Variants in CPA1 observed in about 807,000 individuals in gnomAD.
CPA1 encodes carboxypeptidase A1 (pancreatic).
CPA1 carries 42 observed loss-of-function variants against 48.7 expected under a neutral mutation model. The ratio of observed to expected loss-of-function variants is 0.86; its 90% CI spans 0.67 to 1.11. CPA1 has a LOEUF of 1.11. Ranked by LOEUF, CPA1 falls within the 50% of genes most tolerant of loss-of-function variation. The probability of loss-of-function intolerance (pLI) is 0.00; values close to 1 mark genes in which losing one functional copy is unlikely to be tolerated. For missense variants in CPA1, 477 were observed against 544.7 expected (o/e 0.88, Z 1.24); for synonymous variants, 203 against 217.9 (o/e 0.93, Z 0.60).
rs1206116544 is a variant in CPA1, at chr7:130,387,264, C to G, written c.1073-560C>G. ...TTTGGAAACTGATTCAACTCTGAGT[C>G]AAGGTTTTGCTTCATTCAACATGGT... On this transcript the variant is annotated intron_variant, in intron 9 of 9. Transcript: ENST00000011292. The surrounding 1 kb of genome is among the most constrained non-coding windows in gnomAD (Gnocchi z 4.6). Among the ~76,000 whole-genome samples, 2 of 152,206 alleles carry G rather than the reference C, an allele frequency of 1.3e-5. No individual in the cohort carries two copies. Among genetic ancestry groups the G allele is most frequent in the Non-Finnish European group, 2.9e-5 (2 of 68,038 alleles).
Position 130,387,797 on chromosome 7 carries a change from TTCTC to T in CPA1, c.1073-24_1073-21del, listed in dbSNP as rs1796498813. On this transcript the variant is annotated intron_variant, in intron 9 of 9. Transcript: ENST00000011292. The surrounding 1 kb of genome is among the most constrained non-coding windows in gnomAD (Gnocchi z 4.6). Reference sequence around the variant, plus strand: ...AAATATTCCCAAAGTGATTGACCCTTTCTCTCCTATTTTACTCCTGCCCCAGATC... The same window carrying T: ...AAATATTCCCAAAGTGATTGACCCTTTCCTATTTTACTCCTGCCCCAGATC... 2 of 1,603,508 alleles carry T rather than the reference TTCTC, an allele frequency of 1.2e-6. No individual in the cohort carries two copies. The highest frequency in any genetic ancestry group is 3.4e-5 in the Admixed American group (2 of 59,214).
Position 130,384,589 on chromosome 7 carries a change from C to T in CPA1, c.750C>T (p.Gly250=), listed in dbSNP as rs1188484065. Residue 250 remains glycine, a synonymous_variant, in exon 7 of 10, where the codon GGC becomes GGT. Transcript: ENST00000011292. ...ACACAGCAGGCTCCCTCTGTATTGG[C>T]GTGGACCCCAACAGGAACTGGGACG... ...RSHTAGSLCI[G]VDPNRNWDAG... is the part of the protein sequence containing the mutation. 9 of 1,614,070 alleles carry T rather than the reference C, an allele frequency of 5.6e-6. No individual in the cohort carries two copies. In the African/African-American group the frequency reaches 8.0e-5, roughly 14 times the overall value.
chr7:130,383,600 G>C (rs1796434392), intron 5 of CPA1, 84 bp from the exon 6 acceptor site: 1 of 1,417,446 alleles, frequency 7.1e-7, no homozygotes, highest in African/African-American at 1.4e-5. Flanking sequence ...GACCACAGAG[G>C]ACATGGGGAA....
rs1380914980 is a variant in CPA1 at position 130,387,892 on chromosome 7, C to T, written c.1141C>T (p.Leu381Phe). The T allele has an allele frequency of 4.3e-6, 7 of 1,614,084 alleles. No homozygotes were observed. Among genetic ancestry groups the T allele is most frequent in the Admixed American group, 1.7e-5 (1 of 60,006 alleles). ...QGIKYSFTFE[L>F]RDTGRYGFLL... is the part of the protein sequence containing the mutation. ...CATCAAGTACTCCTTCACCTTCGAG[C>T]TCCGGGACACTGGGCGCTATGGCTT... Residue 381 changes from leucine (L) to phenylalanine (F), a missense_variant, in exon 10 of 10, where the codon CTC becomes TTC. By Grantham distance (22) the Leu-to-Phe change is conservative. Transcript: ENST00000011292. This position sits in a 1 kb window ranked among gnomAD's most constrained non-coding sequence, Gnocchi z 4.6.
Position 130,387,748 on chromosome 7 carries a change from T to G in CPA1, c.1073-76T>G. The G allele has an allele frequency of 1.1e-5, 15 of 1,332,968 alleles. No individual in the cohort carries two copies. Among genetic ancestry groups the G allele is most frequent in the Admixed American group, 9.3e-5 (5 of 53,936 alleles). 82.6% of individuals were successfully genotyped at this position (1,332,968 alleles called of 1,614,324 possible). A position where few individuals can be genotyped will look rare whatever the true frequency, so the allele number is the denominator to read the frequency against. On this transcript the variant is annotated intron_variant, in intron 9 of 9. Coordinates refer to ENST00000011292, the MANE Select transcript of CPA1 (RefSeq NM_001868.4). The surrounding 1 kb of genome is among the most constrained non-coding windows in gnomAD (Gnocchi z 4.6). ...ACAAGGCACAGAGCTTTGGACAGGG[T>G]TGGATCGTTAACCCAACCCGTGTAA...
At chr7:130,380,911 G>C (rs1796394590) in intron 1 of CPA1, 187 bp from the exon 2 acceptor site, 1 of 617,158 alleles carries the variant, frequency 1.6e-6, no homozygotes, top group East Asian at 2.8e-5. Context: ...CTAAAGATGG[G>C]GAGAGAAGAG....
In CPA1 at chr7:130,381,841, C is replaced by G. The variant is rs782397100; in HGVS notation, c.359C>G (p.Ala120Gly). ...CGCTCCACCGACACTTTTAACTACG[C>G]CACCTACCACACCCTGGAGGAGGTG... Reference protein sequence around the residue: ...RARSTDTFNYATYHTLEEIYD... With the variant: ...RARSTDTFNYGTYHTLEEIYD... The change falls in exon 3 of 10, where the codon GCC becomes GGC. Residue 120 changes from alanine to glycine, a missense_variant. Physicochemically the swap from Ala to Gly is moderately conservative, Grantham distance 60. Transcript: ENST00000011292. The G allele has an allele frequency of 6.2e-7, 1 of 1,613,940 alleles. No homozygotes were observed. The highest frequency in any genetic ancestry group is 2.2e-5 in the East Asian group (1 of 44,876).
Position 130,381,162 on chromosome 7 carries a change from G to C in CPA1, c.130G>C (p.Asp44His). The change falls in exon 2 of 10, where the codon GAC (aspartate) becomes CAC (histidine). Residue 44 changes from aspartate (D) to histidine (H), a missense_variant. Transcript: ENST00000011292. Reference protein sequence around the residue: ...AQVQKVKELEDLEHLQLDFWR... With the variant: ...AQVQKVKELEHLEHLQLDFWR... ...GGTACAGAAGGTGAAGGAGCTGGAG[G>C]ACCTGGAGCACCTGCAGGTCAGAAG... 6.2e-7 allele frequency: 1 copy of C among 1,613,240 alleles called. No individual in the cohort carries two copies. The highest frequency in any genetic ancestry group is 8.5e-7 in the Non-Finnish European group (1 of 1,179,630).
At chr7:130,385,434 G>T in intron 8 of CPA1, 89 bp downstream of exon 8, 1 of 1,184,276 alleles carries the variant, frequency 8.4e-7, no homozygotes, top group South Asian at 1.3e-5. Context: ...TTAAGGCACA[G>T]ACACCTCCAG....
chr7:130,384,039 A>T, intron 6 of CPA1: 1 of 545,928 alleles, frequency 1.8e-6, no homozygotes, highest in Non-Finnish European at 3.3e-6. Context: ...ATTCAATGCC[A>T]GTAGGAGCCC....
intron 7 of CPA1, 24 bp from the exon 8 acceptor site, chr7:130,385,122 G>T: frequency 7.4e-6 from 12 of 1,612,124 alleles, no homozygotes; most frequent in Non-Finnish European, 1.0e-5. Context: ...GAGCCACACC[G>T]CCATGCCCTC....
chr7:130,386,873 G>T (rs146310023), intron 9 of CPA1, among the ~76,000 whole-genome samples: 1 of 152,216 alleles, frequency 6.6e-6, no homozygotes, highest in Non-Finnish European at 1.5e-5. Flanking sequence ...GGGAACACTG[G>T]GGGTGGAGGT....
At position 130,385,861 on chromosome 7, in the gene CPA1, T is replaced by C. The variant is rs1554411952; in HGVS notation, c.1010T>C (p.Val337Ala). The C allele has an allele frequency of 1.2e-6, 2 of 1,613,980 alleles. No homozygotes were observed. Among genetic ancestry groups the C allele is most frequent in the African/African-American group, 1.3e-5 (1 of 74,928 alleles). Residue 337 changes from valine to alanine, a missense_variant, in exon 9 of 10, where the codon GTG becomes GCG. Val to Ala is a moderately conservative substitution (Grantham distance 64). Transcript: ENST00000011292. The stretch of plus-strand genomic sequence containing the variant: ...CAGGATCAGCTTTCCAAGGCTGCTG[T>C]GACAGCCCTGGCCTCTCTCTACGGG... Reference protein sequence around the residue: ...DELDQLSKAAVTALASLYGTK... With the variant: ...DELDQLSKAAATALASLYGTK...
chr7:130,383,536 T>C, intron 5 of CPA1, 44 bp downstream of exon 5: 1 of 1,554,146 alleles, frequency 6.4e-7, no homozygotes, highest in Non-Finnish European at 8.9e-7. Flanking sequence ...GGTGGGGCAT[T>C]GGTGTCCAAG....
chr7:130,380,626 G>A (rs1796391968), intron 1 of CPA1, 41 bp downstream of exon 1: 2 of 1,149,526 alleles, frequency 1.7e-6, no homozygotes, highest in South Asian at 3.4e-5. Context: ...TGAGGGTGAT[G>A]GGGAGGACTC....
intron 7 of CPA1, 86 bp downstream of exon 7, chr7:130,384,712 C>A: frequency 3.5e-6 from 4 of 1,159,326 alleles, no homozygotes; most frequent in South Asian, 1.3e-5. Flanking sequence ...CTCTCTCCTG[C>A]CCCTGCAGTG....
Position 130,387,046 on chromosome 7 carries a change from C to T in CPA1, c.1073-778C>T, listed in dbSNP as rs1031762830. On this transcript the variant is annotated intron_variant, in intron 9 of 9. Coordinates refer to ENST00000011292, the MANE Select transcript of CPA1 (RefSeq NM_001868.4). This position sits in a 1 kb window ranked among gnomAD's most constrained non-coding sequence, Gnocchi z 4.6. ...CAAAGGCTCTACAGTGTGGTCTGGCCGGGGATGTTGCTGGAACAACAAGAC... is the reference window on the plus strand; with the variant it reads ...CAAAGGCTCTACAGTGTGGTCTGGCTGGGGATGTTGCTGGAACAACAAGAC... Among the ~76,000 whole-genome samples, 63 of 152,240 alleles carry T rather than the reference C, an allele frequency of 4.1e-4. No individual in the cohort carries two copies. Among genetic ancestry groups the T allele is most frequent in the African/African-American group, 1.3e-3 (54 of 41,546 alleles).
intron 9 of CPA1, 25 bp downstream of exon 9, chr7:130,385,948 G>A (rs1554411974): frequency 6.3e-7 from 1 of 1,588,722 alleles, no homozygotes; most frequent in East Asian, 2.2e-5. Flanking sequence ...GGTCTCTCTT[G>A]ATGGGCCTGC....
At chr7:130,384,132 C>A in intron 6 of CPA1, 1 of 439,560 alleles carries the variant, frequency 2.3e-6, no homozygotes, top group South Asian at 2.8e-5. Context: ...CCAGTGGAGG[C>A]CCACTGCCCC....
Sources: gnomAD v4.1 joint callset for allele counts (sites outside exome capture counted in the v4.1 genomes callset) on GRCh38, gnomAD v4.1.1 for gene constraint, Gnocchi (gnomAD v3.1) non-coding constraint, MANE v1.5 for transcripts, NCBI Gene and HGNC (gene_info 2026-07-23, HGNC 2026-07-21) for gene names.